GLIS3: variants seen among roughly 807,000 people sequenced by gnomAD.
GLIS3 encodes GLIS family zinc finger 3, also known as zinc finger protein GLIS3.
In GLIS3, 53 loss-of-function variants were observed where a neutral mutation model predicts 78.6. The observed-to-expected ratio is 0.67, with a 90% CI of 0.54 to 0.85. The LOEUF is 0.85. Among genes scored for constraint, GLIS3 ranks in the 40% least tolerant of loss-of-function variants. The pLI, the probability that GLIS3 is intolerant of heterozygous loss-of-function variation, is 0.00. For missense variants in GLIS3, 1,703 were observed against 1,231.1 expected (o/e 1.38, Z -5.74); for synonymous variants, 684 against 509.9 (o/e 1.34, Z -4.60).
the GLIS3 span, among the ~76,000 whole-genome samples, chr9:4,388,064 C>T: frequency 1.3e-5 from 2 of 152,196 alleles, no homozygotes; most frequent in African/African-American, 2.4e-5. Flanking sequence ...TATGAGGCAA[C>T]ACATGTACCA....
At chr9:3,990,400 A>G (rs1820130410) in intron 4 of GLIS3, among the ~76,000 whole-genome samples, 1 of 152,198 alleles carries the variant, frequency 6.6e-6, no homozygotes, top group Admixed American at 6.5e-5. Flanking sequence ...TTTCTTCACC[A>G]AAGATCGACC....
chr9:4,074,228 G>A (rs1430114852), intron 4 of GLIS3, among the ~76,000 whole-genome samples: 1 of 152,064 alleles, frequency 6.6e-6, no homozygotes, highest in Non-Finnish European at 1.5e-5. Context: ...TTTCAGGGTG[G>A]GTCCCCAAAC....
chr9:3,925,622 C>T (rs2380910), intron 6 of GLIS3, among the ~76,000 whole-genome samples: 6 of 139,238 alleles, frequency 4.3e-5, no homozygotes, highest in East Asian at 4.0e-4. Flanking sequence ...TGTGTGTGTG[C>T]GCGCGATCAC....
intron 1 of GLIS3, among the ~76,000 whole-genome samples, chr9:4,291,982 T>A (rs778085167): frequency 6.6e-6 from 1 of 152,048 alleles, no homozygotes; most frequent in African/African-American, 2.4e-5. Flanking sequence ...CTACCAAAAA[T>A]GGCAAGGGAG....
intron 4 of GLIS3, among the ~76,000 whole-genome samples, chr9:4,010,484 G>T (rs1308609687): frequency 6.6e-6 from 1 of 152,078 alleles, no homozygotes; most frequent in Admixed American, 6.6e-5. Flanking sequence ...CCAGGTTATG[G>T]TCTACCACTG....
At chr9:4,274,571 C>G (rs553359126) in intron 2 of GLIS3, among the ~76,000 whole-genome samples, 1 of 152,200 alleles carries the variant, frequency 6.6e-6, no homozygotes, top group Non-Finnish European at 1.5e-5. Flanking sequence ...GAAGAGTCAG[C>G]GGTCATCCTG....
intron 4 of GLIS3, among the ~76,000 whole-genome samples, chr9:4,025,568 A>G (rs1299790120): frequency 6.6e-6 from 1 of 152,028 alleles, no homozygotes; most frequent in East Asian, 1.9e-4. Context: ...TTGTATTTTT[A>G]GTAGAGACGG....
intron 2 of GLIS3, among the ~76,000 whole-genome samples, chr9:4,209,799 A>C (rs1820223225): frequency 8.3e-6 from 1 of 120,812 alleles, no homozygotes; most frequent in Non-Finnish European, 1.7e-5. Flanking sequence ...GTCCACCAGA[A>C]TCCAGTAGCA....
chr9:4,328,245 T>C (rs554472487), intron 2 of GLIS3, among the ~76,000 whole-genome samples: 1 of 152,324 alleles, frequency 6.6e-6, no homozygotes, highest in South Asian at 2.1e-4. Context: ...ACCATCTCCA[T>C]GCCTCCTTTA....
At chr9:4,253,614 A>G (rs1824612423) in intron 2 of GLIS3, among the ~76,000 whole-genome samples, 1 of 152,148 alleles carries the variant, frequency 6.6e-6, no homozygotes, top group African/African-American at 2.4e-5. Context: ...CAGGTGAGTG[A>G]ACGATTCTGT....
the GLIS3 span, among the ~76,000 whole-genome samples, chr9:4,485,750 C>T: frequency 5.9e-5 from 8 of 136,692 alleles, no homozygotes; most frequent in East Asian, 2.1e-4. Flanking sequence ...GAGTTTTGTT[C>T]GCTCTTGTTG....
the GLIS3 span, among the ~76,000 whole-genome samples, chr9:4,356,169 C>T: frequency 7.9e-5 from 12 of 152,286 alleles, no homozygotes; most frequent in African/African-American, 2.9e-4. Context: ...GTTCCTTCCA[C>T]CTCAACAATA....
At chr9:4,337,937 T>C (rs1446588468) in intron 2 of GLIS3, among the ~76,000 whole-genome samples, 2 of 152,074 alleles carry the variant, frequency 1.3e-5, no homozygotes, top group African/African-American at 2.4e-5. Flanking sequence ...ACACAGCTTA[T>C]GTGACCAAGC....
chr9:3,867,667 G>T (rs1344051176), intron 8 of GLIS3, among the ~76,000 whole-genome samples: 3 of 151,992 alleles, frequency 2.0e-5, no homozygotes. Flanking sequence ...CCTCTGTACT[G>T]CTCACAACAT....
the GLIS3 span, among the ~76,000 whole-genome samples, chr9:4,418,041 T>A: frequency 6.6e-6 from 1 of 152,198 alleles, no homozygotes; most frequent in African/African-American, 2.4e-5. Flanking sequence ...CCAGTCATTG[T>A]GATAATCAAA....
rs144509937 is a variant in GLIS3, at chr9:3,973,303, T to C, written c.1711-36114A>G. ...TTTTTATTAGGGCTCCATTGCATCA[T>C]TGATTAATTGTTTATGTGGTAGATC... On this transcript the variant is annotated intron_variant, in intron 4 of 10. Coordinates refer to ENST00000381971, the MANE Select transcript of GLIS3 (RefSeq NM_001042413.2). 9.6e-4 allele frequency among the ~76,000 whole-genome samples: 146 copies of C among 152,226 alleles called. 1 individual carries two copies. In the Middle Eastern group the frequency reaches 0.014, roughly 14 times the overall value.
In GLIS3 at chr9:4,061,496, A is replaced by G. The variant is rs562888497; in HGVS notation, c.1710+56272T>C. ...CATTTGGATCAACTGTTAACATTAC[A>G]TCACAACATAAGAAGAGAATAAAAA... On this transcript the variant is annotated intron_variant, in intron 4 of 10. Coordinates refer to ENST00000381971, the MANE Select transcript of GLIS3 (RefSeq NM_001042413.2). Among the ~76,000 whole-genome samples, 6 of 152,280 alleles carry G rather than the reference A, an allele frequency of 3.9e-5. No homozygotes were observed. The South Asian group carries it at 8.3e-4, about 21-fold the overall frequency.
At chr9:4,026,725 A>G (rs1220808057) in intron 4 of GLIS3, among the ~76,000 whole-genome samples, 1 of 152,190 alleles carries the variant, frequency 6.6e-6, no homozygotes. Context: ...TATTTTTAAG[A>G]TATGCATTAA....
upstream of GLIS3, among the ~76,000 whole-genome samples, chr9:4,301,021 G>C (rs1348439156): frequency 6.6e-6 from 1 of 152,066 alleles, no homozygotes; most frequent in Non-Finnish European, 1.5e-5. Context: ...TAGATGCTTT[G>C]ATCAAGACAG....
Sources: gnomAD v4.1 joint callset for allele counts (sites outside exome capture counted in the v4.1 genomes callset) on GRCh38, gnomAD v4.1.1 for gene constraint, MANE v1.5 for transcripts, NCBI Gene and HGNC (gene_info 2026-07-23, HGNC 2026-07-21) for gene names.